Variants in FABP7 observed in about 807,000 individuals in gnomAD.
The protein encoded by FABP7 is fatty acid binding protein 7, also known as fatty acid-binding protein, brain.
FABP7 carries 13 observed loss-of-function variants against 14.2 expected under a neutral mutation model. The observed-to-expected ratio is 0.91, with a 90% CI of 0.59 to 1.45. The LOEUF (loss-of-function observed/expected upper bound fraction) is 1.45, where lower values mean the gene tolerates loss of function less well. Among genes scored for constraint, FABP7 ranks in the 40% most tolerant of loss-of-function variants. The probability of loss-of-function intolerance (pLI) is 0.00; values close to 1 mark genes in which losing one functional copy is unlikely to be tolerated. For synonymous variants in FABP7, 49 were observed against 51.4 expected, an observed-to-expected ratio of 0.95 and a Z score of 0.20; for missense variants, 149 against 157.6, an observed-to-expected ratio of 0.95 and a Z score of 0.29.
chr6:122,765,938 C>T, the FABP7 span, among the ~76,000 whole-genome samples: 1 of 151,918 alleles, frequency 6.6e-6, no homozygotes, highest in Admixed American at 6.6e-5. Flanking sequence ...TATAGCTCTG[C>T]CCACAGATTT....
At chr6:122,782,626 G>A in intron 3 of FABP7, 1 of 985,356 alleles carries the variant, frequency 1.0e-6, no homozygotes, top group African/African-American at 1.7e-5. Context: ...GACATAGGTG[G>A]GTAGGCTCAT....
rs1780733165 is a variant in FABP7 at position 122,779,717 on chromosome 6, T to A, written c.-78T>A. The stretch of plus-strand genomic sequence containing the variant: ...AAGGCAGGAGCTGCTTGCTGAGGTG[T>A]AAAGGGTCTTCTGAGCTGCAGTGGC... On this transcript the variant is annotated 5_prime_UTR_variant, in exon 1 of 4. Coordinates refer to ENST00000368444, the MANE Select transcript of FABP7 (RefSeq NM_001446.5). The A allele has an allele frequency of 1.1e-5, 16 of 1,401,592 alleles. No homozygotes were observed. The East Asian group carries it at 3.2e-4, about 28-fold the overall frequency. The allele number at this position is 1,401,592 out of a possible 1,614,324, so 86.8% of individuals were successfully genotyped here. A position where few individuals can be genotyped will look rare whatever the true frequency, so the allele number is the denominator to read the frequency against.
At chr6:122,781,615 G>T (rs1582520370) in intron 3 of FABP7, 2 of 1,124,346 alleles carry the variant, frequency 1.8e-6, no homozygotes, top group East Asian at 8.6e-5. Flanking sequence ...TGTAATAAGA[G>T]ATCTTTAAAC....
upstream of FABP7, among the ~76,000 whole-genome samples, chr6:122,775,462 C>A (rs1264579750): frequency 6.6e-6 from 1 of 152,056 alleles, no homozygotes; most frequent in African/African-American, 2.4e-5. Context: ...TAACCACATG[C>A]AGAATAATGA....
At chr6:122,780,597 C>A in intron 2 of FABP7, 134 bp downstream of exon 2, 4 of 960,110 alleles carry the variant, frequency 4.2e-6, no homozygotes, top group Non-Finnish European at 6.2e-6. Flanking sequence ...AGAAATACAC[C>A]AAAGTTAGTT....
chr6:122,781,493 G>A (rs558033981), intron 3 of FABP7: 2 of 1,365,880 alleles, frequency 1.5e-6, no homozygotes, highest in African/African-American at 2.9e-5. Context: ...TTTTTTGTAG[G>A]ATAACTATGG....
the FABP7 span, among the ~76,000 whole-genome samples, chr6:122,768,008 G>A: frequency 1.3e-5 from 2 of 151,964 alleles, no homozygotes; most frequent in Non-Finnish European, 2.9e-5. Flanking sequence ...ACAAAAATTA[G>A]GATCAACAAT....
At chr6:122,767,097 T>C in the FABP7 span, among the ~76,000 whole-genome samples, 1 of 152,092 alleles carries the variant, frequency 6.6e-6, no homozygotes, top group South Asian at 2.1e-4. Flanking sequence ...AACATTATTA[T>C]GCAATATTAA....
chr6:122,756,641 C>A, the FABP7 span, among the ~76,000 whole-genome samples: 101 of 152,262 alleles, frequency 6.6e-4, no homozygotes, highest in African/African-American at 2.4e-3. Flanking sequence ...ATGAAAAATT[C>A]TTTAAAGGAC....
the FABP7 span, among the ~76,000 whole-genome samples, chr6:122,760,508 T>A: frequency 1.3e-5 from 2 of 152,020 alleles, no homozygotes; most frequent in East Asian, 3.8e-4. Context: ...TGCTCTTTGA[T>A]TTCTCTTAGT....
At chr6:122,765,091 GA>G in the FABP7 span, among the ~76,000 whole-genome samples, 165 of 152,148 alleles carry the variant, frequency 1.1e-3, no homozygotes, top group African/African-American at 3.6e-3. Flanking sequence ...CATGTAATGG[GA>G]AAAAAATGAG....
chr6:122,759,649 G>A, the FABP7 span, among the ~76,000 whole-genome samples: 1 of 152,122 alleles, frequency 6.6e-6, no homozygotes, highest in Non-Finnish European at 1.5e-5. Flanking sequence ...TTAAACTGAG[G>A]CACAGAGAAG....
chr6:122,759,336 G>A, the FABP7 span, among the ~76,000 whole-genome samples: 2 of 152,116 alleles, frequency 1.3e-5, no homozygotes, highest in African/African-American at 4.8e-5. Flanking sequence ...CATTGCTCAA[G>A]CTAAAAATCT....
the FABP7 span, among the ~76,000 whole-genome samples, chr6:122,752,268 T>C: frequency 6.6e-6 from 1 of 152,274 alleles, no homozygotes; most frequent in Non-Finnish European, 1.5e-5. Context: ...GATGTGTTCA[T>C]CCTTGCCTGC....
chr6:122,751,094 AT>A, the FABP7 span, among the ~76,000 whole-genome samples: 1 of 152,100 alleles, frequency 6.6e-6, no homozygotes, highest in South Asian at 2.1e-4. Context: ...GTGTGCTTAA[AT>A]TTTTTTCTTT....
the FABP7 span, among the ~76,000 whole-genome samples, chr6:122,761,561 T>A: frequency 2.6e-5 from 4 of 152,182 alleles, no homozygotes; most frequent in South Asian, 8.3e-4. Flanking sequence ...TTAATTGATC[T>A]AAGTACTAGA....
At chr6:122,782,164 A>G in intron 3 of FABP7, 1 of 983,828 alleles carries the variant, frequency 1.0e-6, no homozygotes, top group South Asian at 4.7e-5. Flanking sequence ...TATTTTTTTC[A>G]ATCAGCCTCT....
intron 3 of FABP7, chr6:122,782,535 A>C (rs1341284972): frequency 2.0e-6 from 2 of 984,574 alleles, no homozygotes; most frequent in African/African-American, 3.5e-5. Context: ...GTAGTATCAC[A>C]AACTAGGAGA....
At chr6:122,763,586 A>G in the FABP7 span, among the ~76,000 whole-genome samples, 4 of 152,212 alleles carry the variant, frequency 2.6e-5, no homozygotes, top group African/African-American at 9.6e-5. Context: ...AGAAACTACC[A>G]TCAGAGTGAA....
Sources: allele counts gnomAD v4.1 joint callset (sites outside exome capture counted in the v4.1 genomes callset), GRCh38; gene constraint gnomAD v4.1.1; transcripts MANE v1.5; gene names NCBI Gene and HGNC (gene_info 2026-07-23, HGNC 2026-07-21).